CDC42SE2: variants seen among roughly 807,000 people sequenced by gnomAD.
CDC42SE2 encodes CDC42 small effector 2, also known as CDC42 small effector protein 2.
In CDC42SE2, 3 loss-of-function variants were observed where a neutral mutation model predicts 11.5. That is an observed-to-expected ratio of 0.26 (90% CI 0.12 to 0.67). CDC42SE2 has a LOEUF of 0.67. Among genes scored for constraint, CDC42SE2 ranks in the 30% least tolerant of loss-of-function variants. The pLI is 0.80. For synonymous variants in CDC42SE2, 33 were observed against 34.8 expected (o/e 0.95, Z 0.18); for missense variants, 82 against 106.8 (o/e 0.77, Z 1.02).
intron 2 of CDC42SE2, among the ~76,000 whole-genome samples, chr5:131,352,902 C>G (rs1475167625): frequency 6.6e-6 from 1 of 152,170 alleles, no homozygotes; most frequent in Non-Finnish European, 1.5e-5. Context: ...GGTGTTCACT[C>G]GTACTTAATT....
the CDC42SE2 span, among the ~76,000 whole-genome samples, chr5:131,212,434 A>T: frequency 6.6e-6 from 1 of 152,046 alleles, no homozygotes; most frequent in East Asian, 1.9e-4. Flanking sequence ...ATCTCTCACC[A>T]GTGATTTTTT....
intron 2 of CDC42SE2, among the ~76,000 whole-genome samples, chr5:131,335,371 A>C (rs1212694370): frequency 6.6e-6 from 1 of 150,970 alleles, no homozygotes; most frequent in Non-Finnish European, 1.5e-5. Context: ...TTTGCTGAGG[A>C]GTGCTTTACT....
chr5:131,287,849 C>G (rs1053072273), intron 1 of CDC42SE2, among the ~76,000 whole-genome samples: 2 of 152,216 alleles, frequency 1.3e-5, no homozygotes, highest in East Asian at 3.9e-4. Flanking sequence ...AGTCTCCATA[C>G]TTTTTTCCCT....
At chr5:131,233,117 T>A in the CDC42SE2 span, among the ~76,000 whole-genome samples, 1 of 152,206 alleles carries the variant, frequency 6.6e-6, no homozygotes, top group African/African-American at 2.4e-5. Flanking sequence ...TGTATATATT[T>A]TTTCCTTTCT....
At chr5:131,345,219 A>C (rs1424001443) in intron 2 of CDC42SE2, among the ~76,000 whole-genome samples, 1 of 152,090 alleles carries the variant, frequency 6.6e-6, no homozygotes, top group African/African-American at 2.4e-5. Context: ...GCTAAAGGAG[A>C]ATGTTCGAAC....
chr5:131,370,221 T>C (rs1275410380), intron 3 of CDC42SE2, among the ~76,000 whole-genome samples: 1 of 151,934 alleles, frequency 6.6e-6, no homozygotes, highest in Non-Finnish European at 1.5e-5. Context: ...ATTGTTGTTA[T>C]GACAAAAATA....
intron 1 of CDC42SE2, among the ~76,000 whole-genome samples, chr5:131,315,131 A>G (rs1463578082): frequency 6.6e-6 from 1 of 151,930 alleles, no homozygotes; most frequent in African/African-American, 2.4e-5. Flanking sequence ...CTGAGGAAGC[A>G]GTGTATCTAG....
intron 1 of CDC42SE2, among the ~76,000 whole-genome samples, chr5:131,289,838 CTT>C (rs879873763): frequency 1.4e-5 from 2 of 147,684 alleles, no homozygotes; most frequent in Non-Finnish European, 3.0e-5. Context: ...AGAGAAATGA[CTT>C]TTTTTTTTTC....
In CDC42SE2 at chr5:131,362,142, C is replaced by A. The variant is rs111370617; in HGVS notation, c.54+2595C>A. 9.0e-3 allele frequency among the ~76,000 whole-genome samples: 1,367 copies of A among 152,224 alleles called. 23 individuals are homozygous for A. Among genetic ancestry groups the A allele is most frequent in the African/African-American group, 0.031 (1,307 of 41,520 alleles). ...CTGCCTTTCTCTACCCAGCACTTCC[C>A]TGTTCCCACTCCCATATCATTTAAA... On this transcript the variant is annotated intron_variant, in intron 3 of 4. Transcript: ENST00000505065.
intron 1 of CDC42SE2, among the ~76,000 whole-genome samples, chr5:131,311,608 A>G (rs756010421): frequency 1.3e-5 from 2 of 152,126 alleles, no homozygotes; most frequent in African/African-American, 4.8e-5. Flanking sequence ...GTCTTTTCAC[A>G]TAGTCCCATA....
At chr5:131,259,230 T>C (rs1305984384), upstream of CDC42SE2, among the ~76,000 whole-genome samples, 1 of 152,178 alleles carries the variant, frequency 6.6e-6, no homozygotes, top group East Asian at 1.9e-4. Flanking sequence ...TACCTTATAA[T>C]TTTTTTGGTA....
chr5:131,270,949 G>T (rs914060666), intron 1 of CDC42SE2, among the ~76,000 whole-genome samples: 4 of 152,076 alleles, frequency 2.6e-5, no homozygotes, highest in South Asian at 2.1e-4. Flanking sequence ...ATATAGGGGG[G>T]AAGGTGGGGG....
intron 1 of CDC42SE2, among the ~76,000 whole-genome samples, chr5:131,312,016 C>T (rs1243255562): frequency 1.3e-5 from 2 of 152,162 alleles, no homozygotes; most frequent in Non-Finnish European, 2.9e-5. Flanking sequence ...GGAGGAGAGG[C>T]GCTCTGCTTT....
chr5:131,358,612 G>A (rs141060782), intron 2 of CDC42SE2, among the ~76,000 whole-genome samples: 4 of 152,244 alleles, frequency 2.6e-5, no homozygotes, highest in East Asian at 1.9e-4. Context: ...ACTAACATGC[G>A]TTCTAGTAAT....
intron 2 of CDC42SE2, among the ~76,000 whole-genome samples, chr5:131,353,805 A>G (rs73249283): frequency 0.029 from 4,368 of 152,166 alleles, 205 homozygotes; most frequent in African/African-American, 0.096. Context: ...GCATGTACTC[A>G]GGAGGCTGAG....
intron 3 of CDC42SE2, among the ~76,000 whole-genome samples, chr5:131,368,377 C>A (rs561569281): frequency 6.6e-6 from 1 of 152,202 alleles, no homozygotes; most frequent in Admixed American, 6.5e-5. Context: ...CATCCTGGTG[C>A]CAATACACGA....
rs187975940 is a variant in CDC42SE2, at chr5:131,268,598, A to T, written c.-455+4432A>T. ...CTCCCGAGTAGCTGGGATTACAGGCATGCACCACCATGCTCGGCTAATTTT... is the reference window on the plus strand; with the variant it reads ...CTCCCGAGTAGCTGGGATTACAGGCTTGCACCACCATGCTCGGCTAATTTT... On this transcript the variant is annotated intron_variant, in intron 1 of 4. Transcript: ENST00000505065. Among the ~76,000 whole-genome samples, 149 of 151,686 alleles carry T rather than the reference A, an allele frequency of 9.8e-4. No homozygotes were observed. The Middle Eastern group carries it at 0.014, about 14-fold the overall frequency.
At chr5:131,235,143 C>A in the CDC42SE2 span, among the ~76,000 whole-genome samples, 399 of 152,220 alleles carry the variant, frequency 2.6e-3, 1 homozygote, top group African/African-American at 8.5e-3. Context: ...CCTGCCTCAG[C>A]CTCCCAAAGT....
chr5:131,280,221 T>C (rs1757210044), intron 1 of CDC42SE2, among the ~76,000 whole-genome samples: 1 of 152,216 alleles, frequency 6.6e-6, no homozygotes, highest in African/African-American at 2.4e-5. Flanking sequence ...TATTCTCTTT[T>C]ATGCACACAC....
Sources: gnomAD v4.1 joint callset for allele counts (sites outside exome capture counted in the v4.1 genomes callset) on GRCh38, gnomAD v4.1.1 for gene constraint, MANE v1.5 for transcripts, NCBI Gene and HGNC (gene_info 2026-07-23, HGNC 2026-07-21) for gene names.